Variants in COL11A1 observed in about 807,000 individuals in gnomAD.
COL11A1 encodes collagen alpha-1(XI) chain.
COL11A1 carries 74 observed loss-of-function variants against 265.2 expected under a neutral mutation model. The observed-to-expected ratio is 0.28, with a 90% CI of 0.23 to 0.34. The LOEUF (loss-of-function observed/expected upper bound fraction) is 0.34. Among genes scored for constraint, COL11A1 ranks in the 10% least tolerant of loss-of-function variants. The probability of loss-of-function intolerance (pLI) is 1.00; values close to 1 mark genes in which losing one functional copy is unlikely to be tolerated. For missense variants in COL11A1, 2,165 were observed against 2,263.6 expected (o/e 0.96, Z 0.88); for synonymous variants, 816 against 727.6 (o/e 1.12, Z -1.96).
chr1:102,965,865 AATG>A, intron 37 of COL11A1, among the ~76,000 whole-genome samples: 1 of 152,278 alleles, frequency 6.6e-6, no homozygotes, highest in East Asian at 1.9e-4. Flanking sequence ...GGATGAAGTA[AATG>A]ATGATTTAGA....
Position 102,888,857 on chromosome 1 carries a change from T to C in COL11A1, c.4518+9A>G. On this transcript the variant is annotated intron_variant, in intron 60 of 66. Coordinates refer to ENST00000370096, the MANE Select transcript of COL11A1 (RefSeq NM_001854.4). The stretch of plus-strand genomic sequence containing the variant: ...CCTACCTTATAAGGTTATTTTGTCT[T>C]GTACTTACTGGTAAACCTGGAGGAC... 1 of 1,612,736 alleles carries C rather than the reference T, an allele frequency of 6.2e-7. No homozygotes were observed. The highest frequency in any genetic ancestry group is 1.1e-5 in the South Asian group (1 of 91,056).
chr1:103,027,930 G>A (rs1667676223), intron 5 of COL11A1, among the ~76,000 whole-genome samples: 1 of 151,976 alleles, frequency 6.6e-6, no homozygotes, highest in Non-Finnish European at 1.5e-5. Context: ...TCCAAATGTT[G>A]ACTAACCAGG....
At chr1:102,883,074 T>C in intron 64 of COL11A1, 125 bp downstream of exon 64, 2 of 734,430 alleles carry the variant, frequency 2.7e-6, no homozygotes, top group South Asian at 1.5e-5. Context: ...AATGAAGTAC[T>C]CTAATTATTT....
intron 4 of COL11A1, among the ~76,000 whole-genome samples, chr1:103,034,751 TTTCA>T (rs1668232603): frequency 6.8e-6 from 1 of 147,402 alleles, no homozygotes; most frequent in Non-Finnish European, 1.5e-5. Context: ...GGCACTTAAT[TTTCA>T]TTTTTTTTTG....
chr1:103,015,599 T>G, intron 12 of COL11A1, 69 bp downstream of exon 12: 1 of 1,192,018 alleles, frequency 8.4e-7, no homozygotes, highest in East Asian at 2.5e-5. Flanking sequence ...TCAATATGGT[T>G]CAACAATAAA....
At chr1:102,915,411 A>G (rs1655222903) in intron 50 of COL11A1, among the ~76,000 whole-genome samples, 1 of 152,194 alleles carries the variant, frequency 6.6e-6, no homozygotes, top group Admixed American at 6.5e-5. Context: ...TAATGTTCTA[A>G]CTTCAGCAAA....
chr1:103,071,263 C>T (rs1248321972), intron 4 of COL11A1, among the ~76,000 whole-genome samples: 2 of 151,742 alleles, frequency 1.3e-5, no homozygotes, highest in African/African-American at 2.4e-5. Context: ...AATTAGGAAA[C>T]AGAAATAATG....
chr1:102,952,284 AGACAG>A (rs1659966147), intron 41 of COL11A1, among the ~76,000 whole-genome samples: 1 of 152,134 alleles, frequency 6.6e-6, no homozygotes, highest in Admixed American at 6.6e-5. Flanking sequence ...TTTTTAGTAG[AGACAG>A]GGTTTCACCA....
intron 37 of COL11A1, among the ~76,000 whole-genome samples, chr1:102,967,476 G>A (rs1430667159): frequency 6.6e-6 from 1 of 151,848 alleles, no homozygotes; most frequent in Non-Finnish European, 1.5e-5. Context: ...TCCTGACTTC[G>A]TGATCCGCCC....
chr1:103,020,062 T>A (rs1445948301), intron 9 of COL11A1, among the ~76,000 whole-genome samples: 1 of 151,312 alleles, frequency 6.6e-6, no homozygotes, highest in African/African-American at 2.4e-5. Flanking sequence ...TGTGCATGTA[T>A]CTTTATAGCA....
At chr1:102,906,761 T>C (rs149715813) in intron 54 of COL11A1, among the ~76,000 whole-genome samples, 1,816 of 152,110 alleles carry the variant, frequency 0.012, 33 homozygotes, top group African/African-American at 0.041. Flanking sequence ...CCTATTTGTT[T>C]ATGTTGAGGT....
chr1:103,013,336 T>C (rs1181277161), intron 13 of COL11A1, among the ~76,000 whole-genome samples: 1 of 151,890 alleles, frequency 6.6e-6, no homozygotes, highest in Admixed American at 6.6e-5. Flanking sequence ...ATCTGAAAAA[T>C]TGAATTATAA....
chr1:103,091,097 G>A (rs1049431634), intron 1 of COL11A1, among the ~76,000 whole-genome samples: 2 of 152,022 alleles, frequency 1.3e-5, no homozygotes, highest in Non-Finnish European at 2.9e-5. Flanking sequence ...GATATCATTA[G>A]CATTTTTCTC....
chr1:102,905,509 A>G (rs570349547), intron 54 of COL11A1, among the ~76,000 whole-genome samples: 77 of 89,846 alleles, frequency 8.6e-4, no homozygotes, highest in African/African-American at 2.2e-3. Flanking sequence ...AAGCACCCAT[A>G]TAAGTTAAAA....
At chr1:103,064,321 T>C (rs775759796) in intron 4 of COL11A1, among the ~76,000 whole-genome samples, 16 of 152,110 alleles carry the variant, frequency 1.1e-4, no homozygotes, top group Non-Finnish European at 2.2e-4. Context: ...GTAGGTAAAC[T>C]GATAAATATG....
intron 24 of COL11A1, chr1:103,001,042 G>C (rs1180695905): frequency 7.6e-6 from 3 of 395,038 alleles, no homozygotes; most frequent in Non-Finnish European, 1.3e-5. Context: ...TTATTCATAA[G>C]TTTCATTCAC....
chr1:103,108,022 G>T, intron 1 of COL11A1, 51 bp downstream of exon 1: 1 of 1,313,732 alleles, frequency 7.6e-7, no homozygotes, highest in Non-Finnish European at 1.1e-6. Context: ...GGGCGCAGAA[G>T]CAGTAGGACC....
intron 41 of COL11A1, among the ~76,000 whole-genome samples, chr1:102,954,167 T>A (rs773843380): frequency 6.6e-6 from 1 of 152,172 alleles, no homozygotes; most frequent in African/African-American, 2.4e-5. Context: ...TTACCTTTCT[T>A]TACTTGTGTA....
intron 7 of COL11A1, 115 bp downstream of exon 7, chr1:103,025,406 G>T (rs1571076329): frequency 2.5e-6 from 2 of 787,246 alleles, no homozygotes; most frequent in East Asian, 2.7e-5. Flanking sequence ...TTTAGTAAAA[G>T]AATAAAAACA....
Sources: allele counts gnomAD v4.1 joint callset (sites outside exome capture counted in the v4.1 genomes callset), GRCh38; gene constraint gnomAD v4.1.1; transcripts MANE v1.5; gene names NCBI Gene and HGNC (gene_info 2026-07-23, HGNC 2026-07-21).